The following ADD1 variants were observed in gnomAD, a reference collection of about 807,000 sequenced individuals.
ADD1 encodes adducin 1, also known as alpha-adducin.
Under a neutral mutation model 80.5 loss-of-function variants are expected in ADD1, and 24 were observed. That is an observed-to-expected ratio of 0.30 (90% CI 0.22 to 0.42). The LOEUF (loss-of-function observed/expected upper bound fraction) is 0.42, where lower values mean the gene tolerates loss of function less well. ADD1 is among the 10% of genes least tolerant of loss of function. The pLI, the probability that ADD1 is intolerant of heterozygous loss-of-function variation, is 1.00. For missense variants in ADD1, 948 were observed against 1,019.0 expected (o/e 0.93, Z 0.95); for synonymous variants, 373 against 393.8 (o/e 0.95, Z 0.63).
chr4:2,865,332 G>T (rs1159527124), intron 1 of ADD1, among the ~76,000 whole-genome samples: 2 of 152,068 alleles, frequency 1.3e-5, no homozygotes, highest in Non-Finnish European at 2.9e-5. Flanking sequence ...AGTCTTCTTA[G>T]GCTTATTTTT....
intron 1 of ADD1, among the ~76,000 whole-genome samples, chr4:2,859,427 T>C (rs980124987): frequency 2.6e-5 from 4 of 152,216 alleles, no homozygotes; most frequent in African/African-American, 9.7e-5. Flanking sequence ...TTTTCAGATG[T>C]GTAGAAATAA....
At chr4:2,871,614 G>A (rs1264627905) in intron 1 of ADD1, among the ~76,000 whole-genome samples, 1 of 152,148 alleles carries the variant, frequency 6.6e-6, no homozygotes, top group African/African-American at 2.4e-5. Context: ...GAATCACGGA[G>A]CGTTTCAAAC....
At chr4:2,849,059 A>G (rs1004245330) in intron 1 of ADD1, among the ~76,000 whole-genome samples, 1 of 152,178 alleles carries the variant, frequency 6.6e-6, no homozygotes, top group African/African-American at 2.4e-5. Context: ...CTTTCCGTAG[A>G]TGTTTCCAGA....
chr4:2,914,723 G>T, intron 13 of ADD1, 161 bp from the exon 14 acceptor site: 2 of 709,492 alleles, frequency 2.8e-6, no homozygotes, highest in Non-Finnish European at 4.7e-6. Flanking sequence ...ACCACTGAAG[G>T]CTGCAGCTCA....
chr4:2,888,486 G>C (rs979484365), intron 4 of ADD1, among the ~76,000 whole-genome samples: 1 of 151,148 alleles, frequency 6.6e-6, no homozygotes, highest in African/African-American at 2.4e-5. Context: ...GCATGATCTC[G>C]GCTCACTCAA....
At chr4:2,854,698 T>A (rs1207755027) in intron 1 of ADD1, among the ~76,000 whole-genome samples, 1 of 152,218 alleles carries the variant, frequency 6.6e-6, no homozygotes, top group Non-Finnish European at 1.5e-5. Flanking sequence ...TACTCCAGCT[T>A]TGTTTTGTTT....
rs36207099 is a variant in ADD1, at chr4:2,926,790, C to G, written c.2047+678C>G. ...TGTTTATTTAAAATAAAAACAGAAGCCCCCCTTTTTTGTACCCAGTCCCTT... is the reference window on the plus strand; with the variant it reads ...TGTTTATTTAAAATAAAAACAGAAGGCCCCCTTTTTTGTACCCAGTCCCTT... On this transcript the variant is annotated intron_variant, in intron 15 of 15. Transcript: ENST00000683351. The surrounding 1 kb of genome is among the most constrained non-coding windows in gnomAD (Gnocchi z 5.0). 8.6e-4 allele frequency: 1,080 copies of G among 1,255,884 alleles called. 4 individuals are homozygous for G. In the African/African-American group the frequency reaches 0.014, roughly 16 times the overall value. 77.8% of individuals were successfully genotyped at this position (1,255,884 alleles called of 1,614,324 possible).
intron 14 of ADD1, among the ~76,000 whole-genome samples, chr4:2,916,962 T>A (rs945805046): frequency 2.0e-5 from 3 of 152,256 alleles, no homozygotes; most frequent in Non-Finnish European, 4.4e-5. Context: ...TGTTTCCAAC[T>A]CTTTCGTATT....
rs975922554 is a variant in ADD1 at position 2,899,390 on chromosome 4, T to G, written c.1116T>G (p.Ile372Met). 1 of 1,614,182 alleles carries G rather than the reference T, an allele frequency of 6.2e-7. No individual in the cohort carries two copies. The highest frequency in any genetic ancestry group is 1.1e-5 in the South Asian group (1 of 91,074). ...EGTGSPPKWQ[I>M]GEQEFEALMR... ...CTGGATCGCCTCCCAAGTGGCAGAT[T>G]GGTGAGCAGGAATTTGAAGCCCTCA... The change falls in exon 9 of 16, where the codon ATT (isoleucine) becomes ATG (methionine). Residue 372 changes from isoleucine to methionine, a missense_variant. Transcript: ENST00000683351.
chr4:2,919,996 A>G (rs913437569), intron 14 of ADD1, among the ~76,000 whole-genome samples: 55 of 152,220 alleles, frequency 3.6e-4, no homozygotes, highest in Non-Finnish European at 5.9e-5. Context: ...ATTTCCCTCT[A>G]AACACTGCTT....
chr4:2,850,672 G>C lies in ADD1; in HGVS notation c.-21+6648G>C, dbSNP rs1024112114. On this transcript the variant is annotated intron_variant, in intron 1 of 15. Transcript: ENST00000683351. ...AATCTCCTGACCTCATGATCCGCCC[G>C]CCTCGGCCTCCCAAAGTGCTGGGAT... is the stretch of plus-strand genomic sequence containing the variant. Among the ~76,000 whole-genome samples the C allele has an allele frequency of 4.8e-4, 73 of 152,042 alleles. 1 individual carries two copies. Among genetic ancestry groups the C allele is most frequent in the South Asian group, 8.3e-4 (4 of 4,818 alleles).
At chr4:2,867,768 A>G (rs543881251) in intron 1 of ADD1, 1 of 152,274 alleles carries the variant, frequency 6.6e-6, no homozygotes, top group East Asian at 1.9e-4. Flanking sequence ...TTTGTTTCTA[A>G]TTGGAGCTGT....
At chr4:2,905,205 G>C (rs1736845584) in intron 10 of ADD1, 97 bp downstream of exon 10, 6 of 1,165,224 alleles carry the variant, frequency 5.1e-6, no homozygotes, top group Non-Finnish European at 6.2e-6. Flanking sequence ...TCTGACCCAG[G>C]TGTAAAGCGA....
At chr4:2,910,920 C>T (rs1233476003) in intron 13 of ADD1, among the ~76,000 whole-genome samples, 2 of 152,142 alleles carry the variant, frequency 1.3e-5, no homozygotes, top group African/African-American at 4.8e-5. Context: ...TTTTCTCTAC[C>T]TCCTTATATC....
rs1286664981 is a variant in ADD1 at position 2,908,695 on chromosome 4, T to C, written c.1698+91T>C. ...TTCTGAAATTGAGAGAGTGACTTTA[T>C]GAGGTAAGTATTCTAGGCAACCAGT... On this transcript the variant is annotated intron_variant, in intron 12 of 15. Transcript: ENST00000683351. The C allele has an allele frequency of 6.3e-6, 7 of 1,107,668 alleles. No homozygotes were observed. In the Admixed American group the frequency reaches 1.4e-4, roughly 21 times the overall value. The allele number at this position is 1,107,668 out of a possible 1,614,324, so 68.6% of individuals were successfully genotyped here. A position where few individuals can be genotyped will look rare whatever the true frequency, so the allele number is the denominator to read the frequency against.
chr4:2,908,979 G>A (rs141224748), intron 12 of ADD1: 6 of 442,942 alleles, frequency 1.4e-5, no homozygotes, highest in Middle Eastern at 6.3e-4. Flanking sequence ...GCAACAAAGT[G>A]CTGCTTGGGT....
chr4:2,925,950 G>C, intron 14 of ADD1, 64 bp from the exon 15 acceptor site: 3 of 1,450,826 alleles, frequency 2.1e-6, no homozygotes, highest in Non-Finnish European at 2.9e-6. Flanking sequence ...CTGCCATGGA[G>C]GCAGGTACAG....
rs931703631 is a variant in ADD1, at chr4:2,885,001, C to T, written c.510+335C>T. 2.0e-5 allele frequency among the ~76,000 whole-genome samples: 3 copies of T among 152,106 alleles called. No homozygotes were observed. In the South Asian group the frequency reaches 6.2e-4, roughly 32 times the overall value. On this transcript the variant is annotated intron_variant, in intron 4 of 15. Coordinates refer to ENST00000683351, the MANE Select transcript of ADD1 (RefSeq NM_001354761.2). ...CTTTCTTAGTCTGACCAAAGCCTTC[C>T]GTCTCTCAAACTTATTTCTTCAGCT...
At chr4:2,847,447 C>G (rs1347451501) in intron 1 of ADD1, among the ~76,000 whole-genome samples, 2 of 152,112 alleles carry the variant, frequency 1.3e-5, no homozygotes, top group African/African-American at 4.8e-5. Flanking sequence ...TCTACTCAAC[C>G]TTCTCATTTT....
Sources: gnomAD v4.1 joint callset for allele counts (sites outside exome capture counted in the v4.1 genomes callset) on GRCh38, gnomAD v4.1.1 for gene constraint, Gnocchi (gnomAD v3.1) non-coding constraint, MANE v1.5 for transcripts, NCBI Gene and HGNC (gene_info 2026-07-23, HGNC 2026-07-21) for gene names.